ATPAF1: variants seen among roughly 807,000 people sequenced by gnomAD.
ATPAF1 encodes homolog of yeast ATP11.
Under a neutral mutation model 43.9 loss-of-function variants are expected in ATPAF1, and 26 were observed. The ratio of observed to expected loss-of-function variants is 0.59; its 90% CI spans 0.43 to 0.82. The LOEUF (loss-of-function observed/expected upper bound fraction) is 0.82. Among genes scored for constraint, ATPAF1 ranks in the 40% least tolerant of loss-of-function variants. ATPAF1 has a pLI of 0.00. For missense variants in ATPAF1, 366 were observed against 435.0 expected, an observed-to-expected ratio of 0.84 and a Z score of 1.41; for synonymous variants, 157 against 168.0, an observed-to-expected ratio of 0.93 and a Z score of 0.50.
At chr1:46,658,035 G>A in intron 4 of ATPAF1, 92 bp downstream of exon 4, 1 of 1,208,580 alleles carries the variant, frequency 8.3e-7, no homozygotes. Flanking sequence ...CTTTCATTGT[G>A]GCTAGAAAGA....
chr1:46,653,795 C>A lies in ATPAF1; in HGVS notation c.540+22G>T. 1 of 1,602,272 alleles carries A rather than the reference C, an allele frequency of 6.2e-7. No individual in the cohort carries two copies. Among genetic ancestry groups the A allele is most frequent in the Non-Finnish European group, 8.5e-7 (1 of 1,174,334 alleles). On this transcript the variant is annotated intron_variant, in intron 5 of 8. Coordinates refer to ENST00000574428, the Ensembl canonical transcript of ATPAF1. The surrounding 1 kb of genome is among the most constrained non-coding windows in gnomAD (Gnocchi z 4.8). The stretch of plus-strand genomic sequence containing the variant: ...TGACTTTCATGTTGTAACACTTTCA[C>A]TTTGCCCTCCAAACTACTTACAGGA...
At chr1:46,661,326 T>C (rs1269949151) in intron 2 of ATPAF1, among the ~76,000 whole-genome samples, 3 of 152,282 alleles carry the variant, frequency 2.0e-5, no homozygotes, top group African/African-American at 7.2e-5. Context: ...ATCTGCCACC[T>C]TGGCCTCCCA....
At chr1:46,649,157 CAAAAAA>C (rs35432914) in intron 6 of ATPAF1, among the ~76,000 whole-genome samples, 2 of 104,772 alleles carry the variant, frequency 1.9e-5, no homozygotes, top group Non-Finnish European at 3.7e-5. Context: ...AGCTCCGTCT[CAAAAAA>C]AAAAAAAAAA....
At chr1:46,666,100 C>T (rs1428984418) in intron 1 of ATPAF1, 1 of 193,434 alleles carries the variant, frequency 5.2e-6, no homozygotes, top group African/African-American at 2.4e-5. Flanking sequence ...TGGGTGAGGT[C>T]TGGAGGACCC....
chr1:46,661,888 A>C (rs1387662319), intron 2 of ATPAF1, among the ~76,000 whole-genome samples: 1 of 151,382 alleles, frequency 6.6e-6, no homozygotes, highest in African/African-American at 2.4e-5. Flanking sequence ...CATAAAGCTA[A>C]ATTTCTTTCT....
At chr1:46,633,791 G>T (rs1675790956), downstream of ATPAF1, 1 of 456,152 alleles carries the variant, frequency 2.2e-6, no homozygotes, top group African/African-American at 2.0e-5. Flanking sequence ...TGGTGGAGGT[G>T]TATCAATGTA....
chr1:46,667,641 G>C (rs1452547825), intron 1 of ATPAF1, among the ~76,000 whole-genome samples: 2 of 152,152 alleles, frequency 1.3e-5, no homozygotes, highest in Non-Finnish European at 2.9e-5. Flanking sequence ...TTGCAGTCAA[G>C]GCCCTAAGCT....
At chr1:46,667,403 T>C (rs1410704495) in intron 1 of ATPAF1, among the ~76,000 whole-genome samples, 1 of 152,194 alleles carries the variant, frequency 6.6e-6, no homozygotes, top group Non-Finnish European at 1.5e-5. Flanking sequence ...CTATAGCCCC[T>C]CATATGCACC....
chr1:46,633,426 A>AC (rs397819991), downstream of ATPAF1: 219 of 215,522 alleles, frequency 1.0e-3, no homozygotes, highest in East Asian at 3.9e-3. Flanking sequence ...TGGAAAAAAA[A>AC]CCCCAAAATT....
At chr1:46,662,158 T>A (rs930238984) in intron 2 of ATPAF1, among the ~76,000 whole-genome samples, 1 of 152,018 alleles carries the variant, frequency 6.6e-6, no homozygotes, top group Non-Finnish European at 1.5e-5. Flanking sequence ...CCTCCCAAAG[T>A]GCTGGCATTA....
intron 4 of ATPAF1, among the ~76,000 whole-genome samples, chr1:46,657,756 C>T (rs1676299713): frequency 6.6e-6 from 1 of 151,920 alleles, no homozygotes; most frequent in Non-Finnish European, 1.5e-5. Context: ...CTATACTTCT[C>T]CATAATGAAA....
At chr1:46,655,734 AC>A (rs1160680858) in intron 4 of ATPAF1, among the ~76,000 whole-genome samples, 1 of 151,620 alleles carries the variant, frequency 6.6e-6, no homozygotes, top group Non-Finnish European at 1.5e-5. Flanking sequence ...CCTACCTCTG[AC>A]CTCCCAAATT....
At chr1:46,666,652 C>T (rs960788530) in intron 1 of ATPAF1, among the ~76,000 whole-genome samples, 4 of 152,096 alleles carry the variant, frequency 2.6e-5, no homozygotes, top group African/African-American at 9.7e-5. Flanking sequence ...TTGCTGCTCC[C>T]CTTACCTGGA....
rs569666916 is a variant in ATPAF1, at chr1:46,641,119, T to C, written c.792+2075A>G. 2.6e-5 allele frequency among the ~76,000 whole-genome samples: 4 copies of C among 152,256 alleles called. No homozygotes were observed. The South Asian group carries it at 6.2e-4, about 24-fold the overall frequency. On this transcript the variant is annotated intron_variant, in intron 8 of 8. Coordinates refer to ENST00000574428, the Ensembl canonical transcript of ATPAF1. ...TTTAGACAGAGTCTGGGTCTGTCGC[T>C]CAGGCTGGAGTGCAATGGTGCAATC...
chr1:46,645,695 T>C (rs1183515307), intron 6 of ATPAF1, among the ~76,000 whole-genome samples: 4 of 152,194 alleles, frequency 2.6e-5, no homozygotes, highest in Non-Finnish European at 5.9e-5. Flanking sequence ...GAAATTCATA[T>C]GTGGCAATAA....
chr1:46,668,189 C>A lies in ATPAF1; in HGVS notation c.134G>T (p.Arg45Leu), dbSNP rs1320997785. ...CGAGCCGGGGCGCACTGGGAAGACGCGCAGCTGCGCGGGTGACACGAGCCC... is the reference window on the plus strand; with the variant it reads ...CGAGCCGGGGCGCACTGGGAAGACGAGCAGCTGCGCGGGTGACACGAGCCC... Residue 45 changes from arginine (R) to leucine (L), a missense_variant, in exon 1 of 9, where the codon CGC becomes CTC. Around this residue, in one of 2 missense-constraint regions of ATPAF1, gnomAD observed 186 missense variants for 168.5 expected, o/e 1.10. Coordinates refer to ENST00000574428, the Ensembl canonical transcript of ATPAF1. The surrounding 1 kb of genome is among the most constrained non-coding windows in gnomAD (Gnocchi z 4.4). 5.7e-6 allele frequency: 8 copies of A among 1,395,224 alleles called. No individual in the cohort carries two copies. The highest frequency in any genetic ancestry group is 6.5e-6 in the Non-Finnish European group (7 of 1,075,030). The allele number at this position is 1,395,224 out of a possible 1,614,324, so 86.4% of individuals were successfully genotyped here. A position where few individuals can be genotyped will look rare whatever the true frequency, so the allele number is the denominator to read the frequency against.
intron 8 of ATPAF1, among the ~76,000 whole-genome samples, chr1:46,642,068 C>T (rs1204312176): frequency 2.0e-5 from 3 of 152,122 alleles, no homozygotes; most frequent in Admixed American, 6.5e-5. Context: ...TAGGCCTATT[C>T]CTCCTGCAAT....
intron 8 of ATPAF1, among the ~76,000 whole-genome samples, chr1:46,641,270 G>A (rs1675944540): frequency 6.6e-6 from 1 of 151,902 alleles, no homozygotes; most frequent in Non-Finnish European, 1.5e-5. Context: ...GTAGACACAG[G>A]GTTTCATCAC....
intron 6 of ATPAF1, among the ~76,000 whole-genome samples, chr1:46,650,933 A>C (rs1676153386): frequency 6.6e-6 from 1 of 152,092 alleles, no homozygotes; most frequent in South Asian, 2.1e-4. Flanking sequence ...AATATGTTCT[A>C]GTGTTCTACG....
Sources: allele counts gnomAD v4.1 joint callset (sites outside exome capture counted in the v4.1 genomes callset), GRCh38; gene constraint gnomAD v4.1.1; regional missense constraint gnomAD v4.1.1; non-coding constraint Gnocchi (gnomAD v3.1); transcripts MANE v1.5; gene names NCBI Gene and HGNC (gene_info 2026-07-23, HGNC 2026-07-21).